VDAC1: variants seen among roughly 807,000 people sequenced by gnomAD.
VDAC1 encodes the protein non-selective voltage-gated ion channel VDAC1.
VDAC1 carries 10 observed loss-of-function variants against 34.7 expected under a neutral mutation model. That is an observed-to-expected ratio of 0.29 (90% CI 0.18 to 0.49). The LOEUF is 0.49. VDAC1 is among the 20% of genes least tolerant of loss of function. The pLI is 0.99. For synonymous variants in VDAC1, 130 were observed against 136.0 expected, an observed-to-expected ratio of 0.96 and a Z score of 0.30; for missense variants, 230 against 347.9, an observed-to-expected ratio of 0.66 and a Z score of 2.69.
At chr5:134,009,938 C>T (rs1753806170), upstream of VDAC1, among the ~76,000 whole-genome samples, 1 of 152,186 alleles carries the variant, frequency 6.6e-6, no homozygotes, top group South Asian at 2.1e-4. Context: ...GTCTTGGCCT[C>T]CCAAAGTGCT....
chr5:134,100,580 G>T, the VDAC1 span, among the ~76,000 whole-genome samples: 1 of 152,212 alleles, frequency 6.6e-6, no homozygotes, highest in African/African-American at 2.4e-5. Context: ...GGCAGCAGCA[G>T]ACGCAGGCCT....
At chr5:134,009,247 C>CT (rs869155174), upstream of VDAC1, among the ~76,000 whole-genome samples, 1,814 of 87,094 alleles carry the variant, frequency 0.021, 238 homozygotes, top group African/African-American at 0.04. Context: ...TTTATCAATT[C>CT]TTTTTTTTTT....
the VDAC1 span, among the ~76,000 whole-genome samples, chr5:134,013,201 A>T: frequency 6.6e-6 from 1 of 152,144 alleles, no homozygotes; most frequent in Non-Finnish European, 1.5e-5. Flanking sequence ...TTTATAAATA[A>T]CTAAGTCCTC....
At chr5:134,089,004 T>C in the VDAC1 span, among the ~76,000 whole-genome samples, 1 of 152,244 alleles carries the variant, frequency 6.6e-6, no homozygotes, top group Non-Finnish European at 1.5e-5. Context: ...CTGGCCCCTT[T>C]GCCTACTTTG....
At chr5:134,003,984 G>A (rs908072585) in intron 1 of VDAC1, among the ~76,000 whole-genome samples, 3 of 152,242 alleles carry the variant, frequency 2.0e-5, no homozygotes, top group African/African-American at 4.8e-5. Flanking sequence ...ATCCTTCCCC[G>A]TGGGGCCTCC....
At chr5:134,001,066 C>T (rs1293883008) in intron 1 of VDAC1, among the ~76,000 whole-genome samples, 1 of 152,236 alleles carries the variant, frequency 6.6e-6, no homozygotes, top group Non-Finnish European at 1.5e-5. Context: ...CAGCCATGCA[C>T]AAGTTCACTC....
At chr5:134,037,904 TTA>T in the VDAC1 span, among the ~76,000 whole-genome samples, 2 of 152,176 alleles carry the variant, frequency 1.3e-5, no homozygotes, top group African/African-American at 4.8e-5. Context: ...TGTACTACAG[TTA>T]TATATGATAT....
chr5:134,057,005 A>G, the VDAC1 span, among the ~76,000 whole-genome samples: 1 of 152,096 alleles, frequency 6.6e-6, no homozygotes, highest in Admixed American at 6.5e-5. Context: ...TTTCTATATG[A>G]AGTGTTCTCA....
the VDAC1 span, among the ~76,000 whole-genome samples, chr5:134,010,296 T>C: frequency 2.6e-5 from 4 of 152,020 alleles, no homozygotes; most frequent in Admixed American, 6.6e-5. Context: ...GAAATATGGT[T>C]ACAAAAACTT....
chr5:134,051,120 A>G, the VDAC1 span, among the ~76,000 whole-genome samples: 3 of 152,222 alleles, frequency 2.0e-5, no homozygotes, highest in African/African-American at 7.2e-5. Context: ...ACCTTCTTCC[A>G]GTTTCCTTGA....
the VDAC1 span, among the ~76,000 whole-genome samples, chr5:134,111,365 A>G: frequency 6.6e-6 from 1 of 152,190 alleles, no homozygotes; most frequent in Non-Finnish European, 1.5e-5. Context: ...TGAATCCAGA[A>G]GACTCTGGGG....
the VDAC1 span, among the ~76,000 whole-genome samples, chr5:134,058,392 G>C: frequency 6.6e-6 from 1 of 150,910 alleles, no homozygotes; most frequent in Admixed American, 6.6e-5. Flanking sequence ...CGGCTCACTG[G>C]AAGCTCCGCC....
chr5:134,096,537 G>A, the VDAC1 span, among the ~76,000 whole-genome samples: 1 of 152,182 alleles, frequency 6.6e-6, no homozygotes, highest in Non-Finnish European at 1.5e-5. Context: ...AACTAAGGAT[G>A]ATCTGCTCTC....
the VDAC1 span, among the ~76,000 whole-genome samples, chr5:134,031,828 G>A: frequency 6.6e-6 from 1 of 151,680 alleles, no homozygotes; most frequent in Non-Finnish European, 1.5e-5. Flanking sequence ...GCAGGTGCCT[G>A]TAATCCCAGC....
chr5:134,090,252 G>T, the VDAC1 span, among the ~76,000 whole-genome samples: 1 of 152,180 alleles, frequency 6.6e-6, no homozygotes, highest in African/African-American at 2.4e-5. Flanking sequence ...ATATTCCTGG[G>T]TGGTTGGTTC....
the VDAC1 span, among the ~76,000 whole-genome samples, chr5:134,102,247 C>T: frequency 2.0e-5 from 3 of 152,076 alleles, no homozygotes; most frequent in Non-Finnish European, 2.9e-5. Flanking sequence ...GGCTGAGGAA[C>T]GGGCCACAGG....
At chr5:134,053,587 G>A in the VDAC1 span, among the ~76,000 whole-genome samples, 1 of 152,166 alleles carries the variant, frequency 6.6e-6, no homozygotes, top group Non-Finnish European at 1.5e-5. Context: ...AAGCCTGGGG[G>A]GAAACAGAAC....
At chr5:134,042,024 C>T in the VDAC1 span, among the ~76,000 whole-genome samples, 3 of 152,340 alleles carry the variant, frequency 2.0e-5, no homozygotes, top group East Asian at 5.8e-4. Flanking sequence ...TGTGGGTTTG[C>T]ACTTGAAAAC....
the VDAC1 span, among the ~76,000 whole-genome samples, chr5:134,053,375 A>G: frequency 6.6e-6 from 1 of 152,134 alleles, no homozygotes; most frequent in Non-Finnish European, 1.5e-5. Flanking sequence ...CGCACCCACC[A>G]TGCCTGGGGA....
Sources: gnomAD v4.1 joint callset for allele counts (sites outside exome capture counted in the v4.1 genomes callset) on GRCh38, gnomAD v4.1.1 for gene constraint, MANE v1.5 for transcripts, NCBI Gene and HGNC (gene_info 2026-07-23, HGNC 2026-07-21) for gene names.